Variants in LRRK1 observed in about 807,000 individuals in gnomAD.
LRRK1 encodes leucine-rich repeat serine/threonine-protein kinase 1.
LRRK1 carries 113 observed loss-of-function variants against 209.1 expected under a neutral mutation model. The observed-to-expected ratio is 0.54, with a 90% CI of 0.46 to 0.63. LRRK1 has a LOEUF of 0.63. Among genes scored for constraint, LRRK1 ranks in the 30% least tolerant of loss-of-function variants. The pLI is 0.00. For synonymous variants in LRRK1, 1,144 were observed against 1,099.7 expected (o/e 1.04, Z -0.80); for missense variants, 2,284 against 2,632.2 (o/e 0.87, Z 2.89).
chr15:101,001,143 T>C (rs2032664156), intron 6 of LRRK1, among the ~76,000 whole-genome samples: 1 of 152,216 alleles, frequency 6.6e-6, no homozygotes, highest in South Asian at 2.1e-4. Flanking sequence ...GGCCTTTACA[T>C]GCACAAGGAT....
chr15:101,039,456 A>C (rs1120075), intron 20 of LRRK1, among the ~76,000 whole-genome samples: 152,337 of 152,340 alleles, frequency 1, 76,167 homozygotes, highest in Non-Finnish European at 1. Flanking sequence ...ACCTTATATC[A>C]AAAAACCTTG....
intron 6 of LRRK1, among the ~76,000 whole-genome samples, chr15:101,003,484 A>G (rs954972951): frequency 1.1e-4 from 17 of 152,202 alleles, no homozygotes; most frequent in African/African-American, 3.4e-4. Flanking sequence ...ATAAAGAAAA[A>G]GAGGTTTAAT....
chr15:100,929,786 C>G (rs1230250709), intron 2 of LRRK1, among the ~76,000 whole-genome samples: 3 of 152,212 alleles, frequency 2.0e-5, no homozygotes, highest in Non-Finnish European at 4.4e-5. Context: ...TCCAGCCTGG[C>G]TGCAGGAGTT....
At chr15:101,049,538 T>C (rs2035279356) in intron 22 of LRRK1, 106 bp from the exon 23 acceptor site, 1 of 1,323,688 alleles carries the variant, frequency 7.6e-7, no homozygotes, top group Admixed American at 2.2e-5. Flanking sequence ...GCACAGAGTC[T>C]CTCCAGGTCC....
At chr15:100,924,324 C>T (rs2042070098) in intron 1 of LRRK1, among the ~76,000 whole-genome samples, 187 bp from the exon 2 acceptor site, 1 of 152,114 alleles carries the variant, frequency 6.6e-6, no homozygotes, top group African/African-American at 2.4e-5. Flanking sequence ...ATACCTGAGC[C>T]CCGCATCAAG....
At chr15:101,013,959 G>A (rs1043205792) in intron 10 of LRRK1, among the ~76,000 whole-genome samples, 6 of 152,150 alleles carry the variant, frequency 3.9e-5, no homozygotes, top group Non-Finnish European at 5.9e-5. Context: ...GCCGTGAGCC[G>A]TTGTCCTCCA....
chr15:101,048,233 A>AAAG (rs1464090451), intron 21 of LRRK1, among the ~76,000 whole-genome samples: 1 of 152,178 alleles, frequency 6.6e-6, no homozygotes, highest in African/African-American at 2.4e-5. Context: ...TTTTGCTTGT[A>AAAG]AAGTCAGAAA....
chr15:101,051,692 C>T lies in LRRK1; in HGVS notation c.3440-19C>T. 6.2e-7 allele frequency: 1 copy of T among 1,611,274 alleles called. No individual in the cohort carries two copies. Among genetic ancestry groups the T allele is most frequent in the Non-Finnish European group, 8.5e-7 (1 of 1,178,624 alleles). ...CACCACCTTCTTGTGAAGCTGTCTC[C>T]TGCTCTGTCCTTATTTAGCCCTGAC... is the stretch of plus-strand genomic sequence containing the variant. On this transcript the variant is annotated intron_variant, in intron 23 of 33. Transcript: ENST00000388948.
At chr15:100,952,360 G>A (rs1010814509) in intron 2 of LRRK1, among the ~76,000 whole-genome samples, 4 of 152,200 alleles carry the variant, frequency 2.6e-5, no homozygotes, top group Non-Finnish European at 5.9e-5. Flanking sequence ...AAATGTGACC[G>A]ATGTATCCAT....
At chr15:101,053,139 G>T in intron 25 of LRRK1, 51 bp downstream of exon 25, 1 of 1,591,046 alleles carries the variant, frequency 6.3e-7, no homozygotes. Flanking sequence ...TGCTGCCCGG[G>T]TCTAAGCTCT....
At chr15:101,023,820 C>T (rs1021956552) in intron 15 of LRRK1, among the ~76,000 whole-genome samples, 4 of 152,216 alleles carry the variant, frequency 2.6e-5, no homozygotes, top group Non-Finnish European at 5.9e-5. Context: ...GGGGCCAGAA[C>T]AATCAAACAC....
Position 101,074,791 on chromosome 15 carries a change from C to T in LRRK1, c.*5943C>T, listed in dbSNP as rs888958733. 9.9e-5 allele frequency: 15 copies of T among 152,220 alleles called. No homozygotes were observed. The highest frequency in any genetic ancestry group is 3.4e-4 in the African/African-American group (14 of 41,534). 9.4% of individuals were successfully genotyped at this position (152,220 alleles called of 1,614,324 possible). ...GCGGCCAGGCATTCCTCCAGAACCT[C>T]CTCCCCCAGGAGCTTGCTACAAGTG... On this transcript the variant is annotated 3_prime_UTR_variant, in exon 34 of 34. Transcript: ENST00000388948.
At chr15:101,045,691 G>A (rs1472799311) in intron 20 of LRRK1, among the ~76,000 whole-genome samples, 1 of 152,124 alleles carries the variant, frequency 6.6e-6, no homozygotes, top group East Asian at 1.9e-4. Context: ...ACATTTTTAG[G>A]ACCATGATGT....
intron 2 of LRRK1, among the ~76,000 whole-genome samples, chr15:100,963,501 A>G (rs1438768037): frequency 6.6e-6 from 1 of 152,232 alleles, no homozygotes; most frequent in Admixed American, 6.5e-5. Flanking sequence ...ACGTGAGTCC[A>G]GTCCCCAGGC....
intron 30 of LRRK1, among the ~76,000 whole-genome samples, chr15:101,061,654 A>G (rs1397928954): frequency 6.6e-6 from 1 of 152,238 alleles, no homozygotes; most frequent in Non-Finnish European, 1.5e-5. Context: ...AAATCAGGGA[A>G]GTCACTAGAA....
At chr15:101,048,071 A>G (rs556363741) in intron 21 of LRRK1, among the ~76,000 whole-genome samples, 2 of 151,722 alleles carry the variant, frequency 1.3e-5, no homozygotes, top group East Asian at 3.9e-4. Context: ...ATATGGCTTC[A>G]GCTGTTTTTC....
intron 2 of LRRK1, among the ~76,000 whole-genome samples, chr15:100,947,976 C>A (rs781183451): frequency 5.9e-5 from 9 of 152,358 alleles, no homozygotes; most frequent in African/African-American, 2.2e-4. Context: ...AATCAACAAG[C>A]AGCTGAAGTC....
chr15:100,962,805 A>ACG (rs1266556763), intron 2 of LRRK1, among the ~76,000 whole-genome samples: 8 of 23,274 alleles, frequency 3.4e-4, no homozygotes, highest in African/African-American at 9.3e-4. Flanking sequence ...ATATATATAT[A>ACG]TATATATATA....
intron 3 of LRRK1, 30 bp downstream of exon 3, chr15:100,973,997 C>A: frequency 1.6e-6 from 2 of 1,244,404 alleles, no homozygotes; most frequent in South Asian, 7.8e-5. Context: ...TGCGGCCACC[C>A]ATGCAGCCCC....
Sources: allele counts gnomAD v4.1 joint callset (sites outside exome capture counted in the v4.1 genomes callset), GRCh38; gene constraint gnomAD v4.1.1; transcripts MANE v1.5; gene names NCBI Gene and HGNC (gene_info 2026-07-23, HGNC 2026-07-21).